The following MICAL2 variants were observed in gnomAD, a reference collection of about 807,000 sequenced individuals.
MICAL2 encodes microtubule associated monooxygenase, calponin and LIM domain containing 2, also known as [F-actin]-monooxygenase MICAL2.
MICAL2 carries 77 observed loss-of-function variants against 127.3 expected under a neutral mutation model. The observed-to-expected ratio is 0.60, with a 90% CI of 0.50 to 0.73. The LOEUF (loss-of-function observed/expected upper bound fraction) is 0.73, where lower values mean the gene tolerates loss of function less well. MICAL2 is among the 30% of genes least tolerant of loss of function. The pLI, the probability that MICAL2 is intolerant of heterozygous loss-of-function variation, is 0.00. For missense variants in MICAL2, 1,351 were observed against 1,434.4 expected (o/e 0.94, Z 0.94); for synonymous variants, 570 against 551.1 (o/e 1.03, Z -0.48).
rs111367915 is a variant in MICAL2, at chr11:12,176,741, G to C, written c.264+14322G>C. On this transcript the variant is annotated intron_variant, in intron 3 of 27. Coordinates refer to ENST00000683283, the MANE Select transcript of MICAL2 (RefSeq NM_001282663.2). Reference sequence around the variant, plus strand: ...GGAATAATATAGTATTTGTCCTTTTGTGACTGTCTTATTTCCCTTAGCATA... The same window carrying C: ...GGAATAATATAGTATTTGTCCTTTTCTGACTGTCTTATTTCCCTTAGCATA... Among the ~76,000 whole-genome samples, 435 of 152,222 alleles carry C rather than the reference G, an allele frequency of 2.9e-3. 3 individuals carry two copies. Among genetic ancestry groups the C allele is most frequent in the African/African-American group, 9.8e-3 (409 of 41,534 alleles).
intron 21 of MICAL2, among the ~76,000 whole-genome samples, chr11:12,246,294 C>T (rs1034227693): frequency 3.9e-5 from 6 of 152,266 alleles, no homozygotes; most frequent in African/African-American, 1.4e-4. Flanking sequence ...GTCTCTGGCT[C>T]TTCAGGCAGC....
At chr11:12,348,467 A>T (rs1345306886) in intron 32 of MICAL2, among the ~76,000 whole-genome samples, 2 of 152,192 alleles carry the variant, frequency 1.3e-5, no homozygotes, top group South Asian at 2.1e-4. Context: ...TTTGATATCC[A>T]AGAGGGGGTC....
At chr11:12,253,859 G>T (rs1861924723) in intron 22 of MICAL2, 1 of 152,188 alleles carries the variant, frequency 6.6e-6, no homozygotes, top group African/African-American at 2.4e-5. Flanking sequence ...GGTTTCTATG[G>T]AGGCTTCGTT....
intron 1 of MICAL2, among the ~76,000 whole-genome samples, chr11:12,278,009 A>G (rs1269778800): frequency 6.6e-6 from 1 of 152,218 alleles, no homozygotes; most frequent in Non-Finnish European, 1.5e-5. Context: ...AGTAGAAAAT[A>G]TAAAAAATGG....
chr11:12,355,247 G>A (rs1467667971), intron 34 of MICAL2, among the ~76,000 whole-genome samples: 1 of 152,142 alleles, frequency 6.6e-6, no homozygotes, highest in East Asian at 1.9e-4. Context: ...TGCTAGTTCA[G>A]TGAGATGAAG....
At chr11:12,124,846 TGA>T (rs1850786574) in intron 1 of MICAL2, among the ~76,000 whole-genome samples, 2 of 152,212 alleles carry the variant, frequency 1.3e-5, no homozygotes, top group African/African-American at 4.8e-5. Flanking sequence ...CTGTGTTCTT[TGA>T]GTCTCCAGCA....
intron 32 of MICAL2, among the ~76,000 whole-genome samples, chr11:12,330,900 A>AGAGTGTGTGTGT (rs1238311364): frequency 1.7e-5 from 2 of 119,348 alleles, no homozygotes; most frequent in Non-Finnish European, 3.6e-5. Context: ...AGAGAGAGAG[A>AGAGTGTGTGTGT]GTGTGTGTGT....
At chr11:12,121,114 C>A in intron 1 of MICAL2, among the ~76,000 whole-genome samples, 1 of 152,246 alleles carries the variant, frequency 6.6e-6, no homozygotes, top group Non-Finnish European at 1.5e-5. Context: ...TATGGGACAT[C>A]TGTCACATTC....
At chr11:12,288,973 A>G (rs927928692), downstream of MICAL2, among the ~76,000 whole-genome samples, 1 of 152,234 alleles carries the variant, frequency 6.6e-6, no homozygotes, top group African/African-American at 2.4e-5. Flanking sequence ...AGCAGAATGC[A>G]TGGTACCATC....
intron 32 of MICAL2, among the ~76,000 whole-genome samples, chr11:12,338,311 A>G (rs1430684880): frequency 6.6e-6 from 1 of 152,146 alleles, no homozygotes; most frequent in East Asian, 1.9e-4. Context: ...TTCTTGGTAG[A>G]TCTTCCTCCA....
intron 2 of MICAL2, among the ~76,000 whole-genome samples, chr11:12,158,873 C>G (rs1209763815): frequency 6.6e-6 from 1 of 152,210 alleles, no homozygotes; most frequent in Non-Finnish European, 1.5e-5. Flanking sequence ...GATTCACATT[C>G]AGGTTACCCT....
chr11:12,148,157 T>C (rs2133692860), intron 2 of MICAL2, among the ~76,000 whole-genome samples: 1 of 152,314 alleles, frequency 6.6e-6, no homozygotes, highest in Admixed American at 6.5e-5. Context: ...CAGCAGCTCT[T>C]ACCAATAACT....
chr11:12,280,895 G>T (rs3993127), intron 1 of MICAL2: 2 of 398,336 alleles, frequency 5.0e-6, no homozygotes, highest in African/African-American at 4.1e-5. Context: ...TGGGTTCCAG[G>T]CCCCCTGACT....
chr11:12,240,665 G>A (rs1358474229), intron 17 of MICAL2, among the ~76,000 whole-genome samples: 2 of 152,240 alleles, frequency 1.3e-5, no homozygotes, highest in Non-Finnish European at 2.9e-5. Context: ...CTGTCCTTGA[G>A]TGGGCAGGAA....
chr11:12,122,118 T>C (rs1454680015), intron 1 of MICAL2, among the ~76,000 whole-genome samples: 2 of 152,240 alleles, frequency 1.3e-5, no homozygotes, highest in African/African-American at 4.8e-5. Context: ...TTTCAGTCAC[T>C]GTAAACACTG....
chr11:12,130,991 A>G (rs1181852836), intron 1 of MICAL2, among the ~76,000 whole-genome samples: 1 of 152,144 alleles, frequency 6.6e-6, no homozygotes, highest in East Asian at 1.9e-4. Flanking sequence ...TCTGGGTTGC[A>G]GGTGAGAAAG....
chr11:12,299,039 G>C (rs1479193387), intron 29 of MICAL2, among the ~76,000 whole-genome samples: 18 of 152,020 alleles, frequency 1.2e-4, no homozygotes, highest in Admixed American at 1.2e-3. Flanking sequence ...TATTTTCCTG[G>C]CTTGCTTAGC....
Position 12,249,033 on chromosome 11 carries a change from A to G in MICAL2, c.2785-151A>G, listed in dbSNP as rs899846054. On this transcript the variant is annotated intron_variant, in intron 21 of 27. Coordinates refer to ENST00000683283, the MANE Select transcript of MICAL2 (RefSeq NM_001282663.2). ...AACCTATAAAGTGGAGAGGACAGCAACTACTCTTGAGGGTAACTGGAATAC... is the reference window on the plus strand; with the variant it reads ...AACCTATAAAGTGGAGAGGACAGCAGCTACTCTTGAGGGTAACTGGAATAC... The G allele has an allele frequency of 1.4e-4, 129 of 941,160 alleles. 1 individual carries two copies. The highest frequency in any genetic ancestry group is 1.8e-4 in the Non-Finnish European group (115 of 633,696). The allele number at this position is 941,160 out of a possible 1,614,324, so 58.3% of individuals were successfully genotyped here. A position where few individuals can be genotyped will look rare whatever the true frequency, so the allele number is the denominator to read the frequency against.
chr11:12,222,664 A>G lies in MICAL2; in HGVS notation c.1370A>G (p.Asn457Ser), dbSNP rs1302260646. 1 of 1,614,146 alleles carries G rather than the reference A, an allele frequency of 6.2e-7. No individual in the cohort carries two copies. The highest frequency in any genetic ancestry group is 1.3e-5 in the African/African-American group (1 of 74,956). ...CCTCAGACAACCCCGGAGAACATCA[A>G]CAAGAACTTTGAGCAGTACACGTTG... ...LLPQTTPENINKNFEQYTLDP... is the reference protein window; with the variant it reads ...LLPQTTPENISKNFEQYTLDP... Residue 457 changes from asparagine (N) to serine (S), a missense_variant, in exon 11 of 28, where the codon AAC becomes AGC. Physicochemically the swap from Asn to Ser is conservative, Grantham distance 46. This residue lies in a region of MICAL2 where 599 missense variants were observed against 714.9 expected (regional missense o/e 0.84). Transcript: ENST00000683283.
Sources: allele counts gnomAD v4.1 joint callset (sites outside exome capture counted in the v4.1 genomes callset), GRCh38; gene constraint gnomAD v4.1.1; regional missense constraint gnomAD v4.1.1; transcripts MANE v1.5; gene names NCBI Gene and HGNC (gene_info 2026-07-23, HGNC 2026-07-21).